Variants in PDE1C observed in about 807,000 individuals in gnomAD.
PDE1C encodes the protein phosphodiesterase 1C.
PDE1C carries 62 observed loss-of-function variants against 93.1 expected under a neutral mutation model. That is an observed-to-expected ratio of 0.67 (90% CI 0.54 to 0.82). The LOEUF (loss-of-function observed/expected upper bound fraction) is 0.82, where lower values mean the gene tolerates loss of function less well. PDE1C is among the 40% of genes least tolerant of loss of function. The pLI is 0.00. For synonymous variants in PDE1C, 325 were observed against 310.1 expected (o/e 1.05, Z -0.50); for missense variants, 742 against 884.6 (o/e 0.84, Z 2.04).
At chr7:32,361,106 A>C (rs1247201202) in intron 1 of PDE1C, among the ~76,000 whole-genome samples, 1 of 152,126 alleles carries the variant, frequency 6.6e-6, no homozygotes, top group African/African-American at 2.4e-5. Flanking sequence ...CATGCAGGGC[A>C]CCTTCACACC....
intron 1 of PDE1C, among the ~76,000 whole-genome samples, chr7:32,315,250 A>C (rs1783144474): frequency 6.6e-6 from 1 of 152,018 alleles, no homozygotes; most frequent in Non-Finnish European, 1.5e-5. Context: ...AGATGTTGCA[A>C]ACTGGCTTCC....
At chr7:31,699,642 T>G in the PDE1C span, among the ~76,000 whole-genome samples, 34 of 148,128 alleles carry the variant, frequency 2.3e-4, no homozygotes, top group Middle Eastern at 3.5e-3. Flanking sequence ...ATATTGGTGG[T>G]TTTTTTTTTA....
chr7:32,371,170 T>C lies in PDE1C; in HGVS notation c.310+56652A>G, dbSNP rs560317485. The stretch of plus-strand genomic sequence containing the variant: ...TGCCTTTAACACTGTCCTCTACCTA[T>C]CTTCTCCCACCAAAAAACAAAAACA... On this transcript the variant is annotated intron_variant, in intron 1 of 1. Transcript: ENST00000672256. Among the ~76,000 whole-genome samples the C allele has an allele frequency of 5.2e-4, 79 of 152,162 alleles. 1 individual carries two copies. In the South Asian group the frequency reaches 0.013, roughly 24 times the overall value.
At chr7:32,266,936 G>T (rs1357079441) in intron 1 of PDE1C, among the ~76,000 whole-genome samples, 2 of 152,148 alleles carry the variant, frequency 1.3e-5, no homozygotes, top group African/African-American at 4.8e-5. Context: ...GGAGAGGCTG[G>T]AAGAGGGAGA....
At position 31,865,100 on chromosome 7, in the gene PDE1C, G is replaced by A. The variant is rs1291304667; in HGVS notation, c.610-18C>T. The A allele has an allele frequency of 1.2e-6, 2 of 1,613,786 alleles. No individual in the cohort carries two copies. The highest frequency in any genetic ancestry group is 1.3e-5 in the African/African-American group (1 of 75,034). The stretch of plus-strand genomic sequence containing the variant: ...ATGGGGATCTGAAAGAGAGCAGTAA[G>A]GTTAATTAACTAGTGACTTCACTGC... On this transcript the variant is annotated intron_variant, in intron 6 of 17. Coordinates refer to ENST00000396191, the MANE Select transcript of PDE1C (RefSeq NM_001191057.4).
intron 2 of PDE1C, among the ~76,000 whole-genome samples, chr7:31,899,229 A>G (rs1000811598): frequency 7.0e-6 from 1 of 142,724 alleles, no homozygotes; most frequent in African/African-American, 2.6e-5. Flanking sequence ...AGCTCCGCCT[A>G]CCTGGTTCAC....
chr7:31,992,959 A>C (rs2128539575), intron 2 of PDE1C, among the ~76,000 whole-genome samples: 1 of 152,260 alleles, frequency 6.6e-6, no homozygotes, highest in South Asian at 2.1e-4. Flanking sequence ...TTTATCTCTA[A>C]TCCTCATATC....
intron 1 of PDE1C, among the ~76,000 whole-genome samples, chr7:32,354,091 C>T (rs559059251): frequency 7.9e-5 from 12 of 152,304 alleles, no homozygotes; most frequent in Admixed American, 1.3e-4. Context: ...CCTCCCAAAG[C>T]GTGATTCTAT....
At chr7:32,114,085 C>T (rs1036815554) in intron 3 of PDE1C, among the ~76,000 whole-genome samples, 1 of 152,144 alleles carries the variant, frequency 6.6e-6, no homozygotes, top group South Asian at 2.1e-4. Flanking sequence ...ATGCTATTCT[C>T]ATCAAACTAC....
At chr7:32,196,744 G>A (rs1267600823) in intron 2 of PDE1C, among the ~76,000 whole-genome samples, 2 of 152,186 alleles carry the variant, frequency 1.3e-5, no homozygotes, top group African/African-American at 2.4e-5. Context: ...CGGAGACTCA[G>A]TGGAATCCAT....
At chr7:32,349,992 G>C (rs73092172) in intron 1 of PDE1C, among the ~76,000 whole-genome samples, 5,861 of 152,282 alleles carry the variant, frequency 0.038, 211 homozygotes, top group South Asian at 0.19. Context: ...CCTGTACTCT[G>C]TGGACAATAA....
At chr7:32,105,560 ACT>A (rs1400723265) in intron 3 of PDE1C, among the ~76,000 whole-genome samples, 1 of 151,824 alleles carries the variant, frequency 6.6e-6, no homozygotes, top group Non-Finnish European at 1.5e-5. Flanking sequence ...AAGGACATAC[ACT>A]CCTCTTCCCC....
At chr7:32,100,743 C>T (rs1014838653) in intron 3 of PDE1C, among the ~76,000 whole-genome samples, 11 of 152,152 alleles carry the variant, frequency 7.2e-5, no homozygotes, top group African/African-American at 2.2e-4. Context: ...GATATGTACA[C>T]ACCTGTTTTC....
intron 3 of PDE1C, among the ~76,000 whole-genome samples, chr7:32,166,407 G>C (rs1433381968): frequency 6.6e-6 from 1 of 152,102 alleles, no homozygotes; most frequent in Admixed American, 6.5e-5. Context: ...AGCAATATTG[G>C]CTGGGATCTG....
intron 15 of PDE1C, among the ~76,000 whole-genome samples, chr7:31,814,972 T>A (rs1260356116): frequency 2.0e-5 from 3 of 151,914 alleles, no homozygotes; most frequent in Non-Finnish European, 4.4e-5. Flanking sequence ...CAGAACTTCC[T>A]GCCTGCCCCT....
intron 16 of PDE1C, among the ~76,000 whole-genome samples, chr7:31,801,777 G>A (rs1308858532): frequency 6.6e-6 from 1 of 151,300 alleles, no homozygotes; most frequent in African/African-American, 2.4e-5. Flanking sequence ...GATATCTACT[G>A]TCATATATTA....
intron 1 of PDE1C, among the ~76,000 whole-genome samples, chr7:32,213,600 G>C (rs1159021126): frequency 1.3e-5 from 2 of 152,204 alleles, no homozygotes; most frequent in East Asian, 1.9e-4. Flanking sequence ...ACACACCCAG[G>C]CTTCTCCACT....
chr7:31,925,039 CTGTGTGTGTGTGTGTGTGTGTGTGTGTG>C (rs70989622), intron 2 of PDE1C, among the ~76,000 whole-genome samples: 1,666 of 135,388 alleles, frequency 0.012, 29 homozygotes, highest in African/African-American at 0.04. Context: ...GTAGACATTT[CTGTGTGTGTGTGTGTGTGTGTGTGTGTG>C]TGTGTGTGTG....
At chr7:32,311,833 T>G (rs546121427) in intron 1 of PDE1C, among the ~76,000 whole-genome samples, 132 of 152,266 alleles carry the variant, frequency 8.7e-4, no homozygotes, top group African/African-American at 2.5e-3. Flanking sequence ...CATTCCCTTT[T>G]AAAACTGGCA....
Sources: allele counts gnomAD v4.1 joint callset (sites outside exome capture counted in the v4.1 genomes callset), GRCh38; gene constraint gnomAD v4.1.1; transcripts MANE v1.5; gene names NCBI Gene and HGNC (gene_info 2026-07-23, HGNC 2026-07-21).